VWA3B: variants seen among roughly 807,000 people sequenced by gnomAD.
The protein encoded by VWA3B is von Willebrand factor A domain-containing protein 3B.
VWA3B carries 138 observed loss-of-function variants against 158.3 expected under a neutral mutation model. That is an observed-to-expected ratio of 0.87 (90% CI 0.76 to 1.00). VWA3B has a LOEUF of 1.00. Ranked by LOEUF, VWA3B falls within the 50% of genes least tolerant of loss-of-function variation. The pLI is 0.00. For missense variants in VWA3B, 1,555 were observed against 1,565.1 expected (o/e 0.99, Z 0.11); for synonymous variants, 596 against 587.3 (o/e 1.01, Z -0.21).
intron 3 of VWA3B, among the ~76,000 whole-genome samples, chr2:98,116,402 G>A (rs983879432): frequency 2.0e-5 from 3 of 151,562 alleles, no homozygotes; most frequent in African/African-American, 7.3e-5. Context: ...CCTCGAATAT[G>A]TCTTCCAGTT....
intron 8 of VWA3B, among the ~76,000 whole-genome samples, chr2:98,168,431 T>C (rs1442801586): frequency 6.6e-6 from 1 of 151,250 alleles, no homozygotes; most frequent in Non-Finnish European, 1.5e-5. Context: ...AAAATAACTC[T>C]AAGCAGAAAT....
At chr2:98,321,930 G>A in the VWA3B span, among the ~76,000 whole-genome samples, 1 of 152,198 alleles carries the variant, frequency 6.6e-6, no homozygotes, top group African/African-American at 2.4e-5. Flanking sequence ...CCCAGTGGGA[G>A]GTAATTGAAT....
At chr2:98,094,303 T>C (rs1247797047) in intron 2 of VWA3B, among the ~76,000 whole-genome samples, 1 of 152,098 alleles carries the variant, frequency 6.6e-6, no homozygotes. Flanking sequence ...TTGCCAACAC[T>C]TATCTTTTTG....
At chr2:98,162,702 A>T in intron 7 of VWA3B, 149 bp from the exon 8 acceptor site, 1 of 1,138,750 alleles carries the variant, frequency 8.8e-7, no homozygotes, top group African/African-American at 1.6e-5. Flanking sequence ...TTCAGTTCTG[A>T]TTCTCAGAAA....
intron 26 of VWA3B, 145 bp from the exon 27 acceptor site, chr2:98,311,674 G>T: frequency 2.1e-6 from 2 of 968,076 alleles, no homozygotes; most frequent in Non-Finnish European, 3.0e-6. Context: ...CTAAAGCATT[G>T]GGTTCACAGC....
chr2:98,131,071 G>A (rs531833319), intron 6 of VWA3B, among the ~76,000 whole-genome samples: 20 of 152,130 alleles, frequency 1.3e-4, no homozygotes, highest in African/African-American at 4.1e-4. Flanking sequence ...CTCACTGTAC[G>A]TTTGTACCCA....
chr2:98,144,801 A>G (rs1269998417), intron 7 of VWA3B, among the ~76,000 whole-genome samples: 2 of 122,490 alleles, frequency 1.6e-5, no homozygotes, highest in East Asian at 2.1e-4. Context: ...TCCTGACCTC[A>G]GGTGATTCAC....
chr2:98,118,199 C>A (rs930956688), intron 3 of VWA3B, among the ~76,000 whole-genome samples: 4 of 152,184 alleles, frequency 2.6e-5, no homozygotes, highest in Non-Finnish European at 5.9e-5. Flanking sequence ...CCTCCACATT[C>A]CCTGTGATGT....
rs930252691 is a variant in VWA3B at position 98,287,046 on chromosome 2, C to T, written c.3046-3465C>T. Among the ~76,000 whole-genome samples, 5 of 152,266 alleles carry T rather than the reference C, an allele frequency of 3.3e-5. No homozygotes were observed. In the South Asian group the frequency reaches 1.0e-3, roughly 32 times the overall value. On this transcript the variant is annotated intron_variant, in intron 22 of 27. Coordinates refer to ENST00000477737, the MANE Select transcript of VWA3B (RefSeq NM_144992.5). ...ATTTAGCCTCCTTTAGAGTTTTAGG[C>T]TCAAAACATTGCTGCACTGCCACAG...
At chr2:98,098,065 C>A (rs1189042563) in intron 2 of VWA3B, among the ~76,000 whole-genome samples, 1 of 152,028 alleles carries the variant, frequency 6.6e-6, no homozygotes, top group Admixed American at 6.6e-5. Context: ...CAGTTTTATA[C>A]CATTGTGGTC....
chr2:98,247,970 G>A (rs1384071096), intron 19 of VWA3B, among the ~76,000 whole-genome samples: 1 of 151,880 alleles, frequency 6.6e-6, no homozygotes, highest in Non-Finnish European at 1.5e-5. Context: ...GCTATATTCT[G>A]AGGAAAGTCT....
intron 22 of VWA3B, among the ~76,000 whole-genome samples, chr2:98,282,804 G>A (rs113930463): frequency 9.7e-4 from 147 of 152,252 alleles, no homozygotes; most frequent in East Asian, 2.3e-3. Flanking sequence ...ACTTACAGGC[G>A]TATGAATGAC....
At chr2:98,201,565 A>G (rs575542100) in intron 12 of VWA3B, among the ~76,000 whole-genome samples, 92 of 152,302 alleles carry the variant, frequency 6.0e-4, no homozygotes, top group South Asian at 3.9e-3. Context: ...TGGTCCTGAT[A>G]TTAGAGGGGA....
chr2:98,218,010 TC>T lies in VWA3B; in HGVS notation c.2006del (p.Pro669GlnfsTer9). On this transcript the variant is annotated frameshift_variant, in exon 14 of 28. Coordinates refer to ENST00000477737, the MANE Select transcript of VWA3B (RefSeq NM_144992.5). LOFTEE classifies it high-confidence loss of function. The stretch of plus-strand genomic sequence containing the variant: ...ATAATTTTGGTTGCAAGGATCCCAC[TC>T]CCCCAGAGGCTGTTCAGGTAAGAGC... Reference protein sequence around the residue: ...FYNFGCKDPTPPEAVQNEDLT... With the variant: ...FYNFGCKDPTXPEAVQNEDLT... The T allele has an allele frequency of 6.2e-7, 1 of 1,610,438 alleles. No homozygotes were observed. The highest frequency in any genetic ancestry group is 8.5e-7 in the Non-Finnish European group (1 of 1,178,294).
intron 13 of VWA3B, among the ~76,000 whole-genome samples, chr2:98,217,182 T>A (rs1229498771): frequency 6.6e-6 from 1 of 152,144 alleles, no homozygotes; most frequent in Non-Finnish European, 1.5e-5. Flanking sequence ...CTGGTTTGTA[T>A]CCTCAGAGCT....
chr2:98,264,762 T>C (rs1345462011), intron 21 of VWA3B, among the ~76,000 whole-genome samples: 2 of 152,100 alleles, frequency 1.3e-5, no homozygotes, highest in Non-Finnish European at 2.9e-5. Context: ...TGTTTCATTA[T>C]TGATATTCTG....
At chr2:98,309,528 CTT>C (rs926180377) in intron 26 of VWA3B, among the ~76,000 whole-genome samples, 6 of 152,200 alleles carry the variant, frequency 3.9e-5, no homozygotes, top group Non-Finnish European at 8.8e-5. Context: ...CATTATCTGT[CTT>C]TTGAGCAGTT....
intron 2 of VWA3B, among the ~76,000 whole-genome samples, chr2:98,103,579 T>G (rs1683232027): frequency 6.6e-6 from 1 of 152,140 alleles, no homozygotes; most frequent in Non-Finnish European, 1.5e-5. Flanking sequence ...TTTTAGGACT[T>G]TTAAAAGTAC....
At chr2:98,163,462 C>G (rs939529752) in intron 8 of VWA3B, among the ~76,000 whole-genome samples, 1 of 152,198 alleles carries the variant, frequency 6.6e-6, no homozygotes, top group East Asian at 1.9e-4. Context: ...GGCTTGAACC[C>G]GGGAGGCAGA....
Sources: allele counts gnomAD v4.1 joint callset (sites outside exome capture counted in the v4.1 genomes callset), GRCh38; gene constraint gnomAD v4.1.1; transcripts MANE v1.5; gene names NCBI Gene and HGNC (gene_info 2026-07-23, HGNC 2026-07-21).